The following ADAM23 variants were observed in gnomAD, a reference collection of about 807,000 sequenced individuals.
ADAM23 encodes ADAM metallopeptidase domain 23.
ADAM23 carries 33 observed loss-of-function variants against 120.1 expected under a neutral mutation model. The observed-to-expected ratio is 0.27, with a 90% CI of 0.21 to 0.37. ADAM23 has a LOEUF of 0.37. Ranked by LOEUF, ADAM23 falls within the 10% of genes least tolerant of loss-of-function variation. The pLI is 1.00. For synonymous variants in ADAM23, 367 were observed against 375.2 expected, an observed-to-expected ratio of 0.98 and a Z score of 0.25; for missense variants, 862 against 1,058.2, an observed-to-expected ratio of 0.81 and a Z score of 2.57.
At chr2:206,588,048 C>A in intron 19 of ADAM23, 43 bp from the exon 20 acceptor site, 1 of 1,606,392 alleles carries the variant, frequency 6.2e-7, no homozygotes, top group Non-Finnish European at 8.5e-7. Context: ...TTGGGGAAGA[C>A]AAACTGACTC....
intron 2 of ADAM23, among the ~76,000 whole-genome samples, chr2:206,464,287 A>T (rs1667868720): frequency 1.3e-5 from 2 of 152,072 alleles, no homozygotes; most frequent in Non-Finnish European, 1.5e-5. Context: ...AATAAAGTTG[A>T]ATTTTGACTG....
chr2:206,615,288 G>C (rs1176710356), intron 25 of ADAM23, among the ~76,000 whole-genome samples: 1 of 152,168 alleles, frequency 6.6e-6, no homozygotes, highest in East Asian at 1.9e-4. Flanking sequence ...GTTTTATAAT[G>C]ATCCAGAAAT....
chr2:206,496,691 C>A (rs933493074), intron 3 of ADAM23, among the ~76,000 whole-genome samples: 2 of 152,030 alleles, frequency 1.3e-5, no homozygotes, highest in African/African-American at 4.8e-5. Context: ...AAAAACCCTT[C>A]AAAAAATCAA....
chr2:206,612,635 T>C (rs1418656364), intron 25 of ADAM23, among the ~76,000 whole-genome samples: 1 of 152,156 alleles, frequency 6.6e-6, no homozygotes, highest in Non-Finnish European at 1.5e-5. Flanking sequence ...TAGTGAGTAG[T>C]TTAGATGTAG....
intron 4 of ADAM23, among the ~76,000 whole-genome samples, chr2:206,532,058 A>G (rs1697075880): frequency 6.6e-6 from 1 of 152,180 alleles, no homozygotes; most frequent in Admixed American, 6.5e-5. Flanking sequence ...TTCTTGCCTT[A>G]GGTTGCATTT....
In ADAM23 at chr2:206,589,491, CCG is replaced by C; in HGVS notation, c.1936_1937del (p.Arg646ValfsTer8). The C allele has an allele frequency of 6.2e-7, 1 of 1,613,606 alleles. No individual in the cohort carries two copies. The highest frequency in any genetic ancestry group is 8.5e-7 in the Non-Finnish European group (1 of 1,179,772). On this transcript the variant is annotated frameshift_variant, in exon 21 of 26. Transcript: ENST00000264377. LOFTEE classifies it high-confidence loss of function. ...EKGNCGKDGD[R>X]WIQCSKHDVF... ...AGGGAAACTGCGGGAAGGATGGAGA[CCG>C]GTGGATTCAGTGCAGCAAACAGTGA...
chr2:206,559,842 AC>A, intron 10 of ADAM23, 112 bp from the exon 11 acceptor site: 1 of 834,888 alleles, frequency 1.2e-6, no homozygotes, highest in East Asian at 2.5e-5. Context: ...GCTAATTATG[AC>A]CCCGTGTTCT....
At chr2:206,530,120 A>G (rs946615056) in intron 3 of ADAM23, among the ~76,000 whole-genome samples, 5 of 152,078 alleles carry the variant, frequency 3.3e-5, no homozygotes, top group Non-Finnish European at 7.4e-5. Context: ...TGTTTTATGT[A>G]TTTTTTAATG....
At chr2:206,454,720 T>C (rs1448827378) in intron 2 of ADAM23, among the ~76,000 whole-genome samples, 4 of 152,178 alleles carry the variant, frequency 2.6e-5, no homozygotes, top group African/African-American at 9.7e-5. Context: ...AAGGGATACA[T>C]TGGCCAAAAT....
intron 3 of ADAM23, among the ~76,000 whole-genome samples, chr2:206,525,253 C>G (rs1446945118): frequency 6.6e-6 from 1 of 152,130 alleles, no homozygotes; most frequent in Non-Finnish European, 1.5e-5. Context: ...TTCCTTCAGA[C>G]AAGCTTGTTC....
chr2:206,524,502 A>G (rs1000554832), intron 3 of ADAM23, among the ~76,000 whole-genome samples: 6 of 152,134 alleles, frequency 3.9e-5, no homozygotes, highest in Non-Finnish European at 5.9e-5. Context: ...GTCCATTTTC[A>G]CTCTGCTAAT....
At chr2:206,480,380 T>A (rs763316314) in intron 2 of ADAM23, among the ~76,000 whole-genome samples, 165 of 152,102 alleles carry the variant, frequency 1.1e-3, no homozygotes, top group Non-Finnish European at 2.2e-3. Flanking sequence ...CAGCACCCAC[T>A]GTGCCTTAGG....
chr2:206,496,357 C>T (rs550642570), intron 3 of ADAM23, among the ~76,000 whole-genome samples: 7 of 152,238 alleles, frequency 4.6e-5, no homozygotes, highest in South Asian at 4.1e-4. Context: ...TCACTCAAAA[C>T]CGCTCAACTA....
chr2:206,543,434 C>T (rs1697333254), intron 6 of ADAM23, 118 bp downstream of exon 6: 1 of 842,376 alleles, frequency 1.2e-6, no homozygotes, highest in Non-Finnish European at 1.9e-6. Flanking sequence ...TAACTTATTT[C>T]AAACTTAGAG....
intron 22 of ADAM23, among the ~76,000 whole-genome samples, chr2:206,593,870 T>C (rs988584140): frequency 1.3e-5 from 2 of 151,892 alleles, no homozygotes; most frequent in Non-Finnish European, 2.9e-5. Flanking sequence ...AATAATCTTA[T>C]GAAACCACTG....
chr2:206,609,008 A>G (rs923520575), intron 24 of ADAM23, among the ~76,000 whole-genome samples: 11 of 152,200 alleles, frequency 7.2e-5, no homozygotes, highest in African/African-American at 2.2e-4. Flanking sequence ...AGTAATTATT[A>G]TACTAGGTTT....
At chr2:206,544,952 G>A (rs890748439) in intron 6 of ADAM23, among the ~76,000 whole-genome samples, 1 of 152,110 alleles carries the variant, frequency 6.6e-6, no homozygotes, top group East Asian at 1.9e-4. Flanking sequence ...AAATACAAAG[G>A]CCTTGAGGCA....
At chr2:206,590,632 G>C (rs1698408261) in intron 21 of ADAM23, among the ~76,000 whole-genome samples, 1 of 152,112 alleles carries the variant, frequency 6.6e-6, no homozygotes, top group African/African-American at 2.4e-5. Flanking sequence ...TTTCCATTTA[G>C]TCTTTGATGA....
chr2:206,520,415 T>A (rs1696818690), intron 3 of ADAM23, among the ~76,000 whole-genome samples: 1 of 152,228 alleles, frequency 6.6e-6, no homozygotes, highest in Admixed American at 6.5e-5. Flanking sequence ...CATTAGCATT[T>A]GCATAATAAA....
Sources: allele counts gnomAD v4.1 joint callset (sites outside exome capture counted in the v4.1 genomes callset), GRCh38; gene constraint gnomAD v4.1.1; transcripts MANE v1.5; gene names NCBI Gene and HGNC (gene_info 2026-07-23, HGNC 2026-07-21).